MATR3: variants seen among roughly 807,000 people sequenced by gnomAD.
MATR3 encodes matrin-3.
In MATR3, 4 loss-of-function variants were observed where a neutral mutation model predicts 85.5. That is an observed-to-expected ratio of 0.05 (90% CI 0.02 to 0.11). The LOEUF (loss-of-function observed/expected upper bound fraction) is 0.11, where lower values mean the gene tolerates loss of function less well. MATR3 is among the 10% of genes least tolerant of loss of function. MATR3 has a pLI of 1.00. For synonymous variants in MATR3, 336 were observed against 343.1 expected, an observed-to-expected ratio of 0.98 and a Z score of 0.23; for missense variants, 685 against 1,016.1, an observed-to-expected ratio of 0.67 and a Z score of 4.43.
At chr5:139,286,324 G>A (rs1456726250) in intron 3 of MATR3, among the ~76,000 whole-genome samples, 3 of 151,808 alleles carry the variant, frequency 2.0e-5, no homozygotes, top group Non-Finnish European at 4.4e-5. Flanking sequence ...AAGATCATAG[G>A]CAATCTTCTT....
At chr5:139,283,223 G>A (rs1319740398) in intron 3 of MATR3, 1 of 152,218 alleles carries the variant, frequency 6.6e-6, no homozygotes, top group Non-Finnish European at 1.5e-5. Context: ...TGAAGGAGAG[G>A]GAAGATGCCC....
chr5:139,322,775 T>G lies in MATR3; in HGVS notation c.1956T>G (p.Leu652=). 1 of 1,614,182 alleles carries G rather than the reference T, an allele frequency of 6.2e-7. No homozygotes were observed. Among genetic ancestry groups the G allele is most frequent in the South Asian group, 1.1e-5 (1 of 91,086 alleles). ...DQTEQEPNML[L]ESEDELLVDE... ...CAGAGCAGGAACCTAATATGCTTCT[T>G]GAATCTGAAGATGAGCTACTTGTAG... The change falls in exon 12 of 15, where the codon CTT becomes CTG. Residue 652 remains leucine (L), a synonymous_variant. Transcript: ENST00000394805.
chr5:139,312,968 A>G (rs1465919606), intron 2 of MATR3: 1 of 151,852 alleles, frequency 6.6e-6, no homozygotes, highest in African/African-American at 2.4e-5. Flanking sequence ...AGGATTTTAG[A>G]TAATTTTACT....
At chr5:139,299,064 A>T (rs1166303902) in intron 1 of MATR3, among the ~76,000 whole-genome samples, 1 of 152,228 alleles carries the variant, frequency 6.6e-6, no homozygotes, top group Admixed American at 6.5e-5. Context: ...AAACTTAAAC[A>T]CAAGGGGAGG....
chr5:139,322,831 G>T lies in MATR3; in HGVS notation c.2012G>T (p.Ser671Ile). The stretch of plus-strand genomic sequence containing the variant: ...GAAGAAGCAGCAGCACTGCTAGAAA[G>T]TGGCAGTTCAGTGGGAGACGAGACC... ...DEEEAAALLE[S>I]GSSVGDETDL... The change falls in exon 12 of 15, where the codon AGT becomes ATT. Residue 671 changes from serine to isoleucine, a missense_variant. Physicochemically the swap from Ser to Ile is moderately radical, Grantham distance 142. Transcript: ENST00000394805. 1 of 1,614,202 alleles carries T rather than the reference G, an allele frequency of 6.2e-7. No individual in the cohort carries two copies. Among genetic ancestry groups the T allele is most frequent in the Non-Finnish European group, 8.5e-7 (1 of 1,180,030 alleles).
intron 1 of MATR3, chr5:139,294,025 G>A: frequency 2.3e-6 from 3 of 1,279,934 alleles, no homozygotes; most frequent in Non-Finnish European, 3.0e-6. Flanking sequence ...CTAGGGCGGC[G>A]GAGGTGAGCG....
intron 3 of MATR3, 173 bp from the exon 4 acceptor site, chr5:139,315,523 GT>G: frequency 1.8e-6 from 1 of 545,826 alleles, no homozygotes; most frequent in South Asian, 2.7e-5. Context: ...TTATTTTGAA[GT>G]TCTGAAATTT....
upstream of MATR3, chr5:139,293,677 T>G: frequency 9.5e-5 from 24 of 251,638 alleles, no homozygotes; most frequent in Middle Eastern, 1.2e-3. Context: ...CGAGAGTGGG[T>G]TTGTTCTTGG....
At chr5:139,291,938 CTTTTTTTTTTTTTTT>C (rs10572568), upstream of MATR3, 2 of 79,796 alleles carry the variant, frequency 2.5e-5, no homozygotes, top group Admixed American at 3.5e-4. Flanking sequence ...ATTACATAAC[CTTTTTTTTTTTTTTT>C]TTTTTTTTTT....
Position 139,314,714 on chromosome 5 carries a change from C to T in MATR3, c.952C>T (p.Arg318Ter). 1 of 1,613,700 alleles carries T rather than the reference C, an allele frequency of 6.2e-7. No individual in the cohort carries two copies. ...QHINGASHSRRCQLLLEIYPE... is the reference protein window; with the variant it reads ...QHINGASHSR Reference sequence around the variant, plus strand: ...TATCAATGGAGCAAGTCACAGTCGTCGATGCCAGCTTCTTCTTGAAATGTA... The same window carrying T: ...TATCAATGGAGCAAGTCACAGTCGTTGATGCCAGCTTCTTCTTGAAATGTA... Residue 318 changes from arginine (R) to a stop codon, truncating the protein, a stop_gained, in exon 3 of 15, where the codon CGA becomes TGA. Coordinates refer to ENST00000394805, the MANE Select transcript of MATR3 (RefSeq NM_018834.6). LOFTEE classifies it high-confidence loss of function.
At chr5:139,303,069 G>C (rs1442503544) in intron 1 of MATR3, among the ~76,000 whole-genome samples, 1 of 144,868 alleles carries the variant, frequency 6.9e-6, no homozygotes, top group East Asian at 2.0e-4. Flanking sequence ...TTTTAATTCT[G>C]ACTACAAAGA....
At chr5:139,302,210 G>A (rs565730352) in intron 1 of MATR3, among the ~76,000 whole-genome samples, 20 of 152,060 alleles carry the variant, frequency 1.3e-4, no homozygotes, top group Non-Finnish European at 2.5e-4. Context: ...TAATCTGCCC[G>A]CCTCGGCCTC....
chr5:139,327,061 T>C (rs1400818792), intron 14 of MATR3, among the ~76,000 whole-genome samples: 1 of 152,190 alleles, frequency 6.6e-6, no homozygotes, highest in African/African-American at 2.4e-5. Context: ...ATAATTCCTA[T>C]TGAGATATAT....
Position 139,275,142 on chromosome 5 carries a change from ATTTTTTTT to A in MATR3, c.-286-958_-286-951del, listed in dbSNP as rs750841386. On this transcript the variant is annotated intron_variant, in intron 1 of 16. Coordinates refer to ENST00000509990, the Ensembl canonical transcript of MATR3. Reference sequence around the variant, plus strand: ...AGGTGCCCGCCACCACGCCCGGCTAATTTTTTTTTTTTTTTTTTTTTTTTTTTTGTATT... The same window carrying A: ...AGGTGCCCGCCACCACGCCCGGCTAATTTTTTTTTTTTTTTTTTTTGTATT... 5.3e-3 allele frequency among the ~76,000 whole-genome samples: 216 copies of A among 40,920 alleles called. 2 individuals carry two copies. Among genetic ancestry groups the A allele is most frequent in the Middle Eastern group, 0.029 (1 of 34 alleles). 26.8% of individuals were successfully genotyped at this position (40,920 alleles called of 152,430 possible). A position where few individuals can be genotyped will look rare whatever the true frequency, so the allele number is the denominator to read the frequency against.
At chr5:139,279,225 G>C (rs1005752066) in intron 3 of MATR3, 2 of 448,264 alleles carry the variant, frequency 4.5e-6, no homozygotes, top group African/African-American at 2.0e-5. Flanking sequence ...ATTATGTAGA[G>C]TATCAGACTT....
At chr5:139,322,332 T>C in intron 10 of MATR3, 131 bp from the exon 11 acceptor site, 1 of 876,940 alleles carries the variant, frequency 1.1e-6, no homozygotes, top group Non-Finnish European at 1.9e-6. Flanking sequence ...GTAGGCAGCT[T>C]AGGTTCTCAA....
chr5:139,325,049 C>T (rs184557777), intron 12 of MATR3, among the ~76,000 whole-genome samples: 13 of 152,004 alleles, frequency 8.6e-5, no homozygotes, highest in Non-Finnish European at 1.3e-4. Context: ...AAAAATTAGC[C>T]GGGCGTGGTG....
At chr5:139,314,793 T>C (rs1755160982) in intron 3 of MATR3, 57 bp downstream of exon 3, 8 of 1,526,862 alleles carry the variant, frequency 5.2e-6, no homozygotes, top group South Asian at 2.2e-5. Flanking sequence ...TCAGCCATTA[T>C]TGGTTTTTGG....
In MATR3 at chr5:139,307,881, T is replaced by G. The variant is rs1194943542; in HGVS notation, c.466T>G (p.Leu156Val). 23 of 1,613,910 alleles carry G rather than the reference T, an allele frequency of 1.4e-5. No homozygotes were observed. The East Asian group carries it at 5.1e-4, about 36-fold the overall frequency. Residue 156 changes from leucine (L) to valine (V), a missense_variant, in exon 2 of 15, where the codon TTG (leucine) becomes GTG (valine). Physicochemically the swap from Leu to Val is conservative, Grantham distance 32. Around this residue, in one of 9 missense-constraint regions of MATR3, gnomAD observed 223 missense variants for 334.4 expected, o/e 0.67. Transcript: ENST00000394805. This position sits in a 1 kb window ranked among gnomAD's most constrained non-coding sequence, Gnocchi z 4.4. The part of the protein sequence containing the change: ...KRRRTEEGPT[L>V]SYGRDGRSAT... Reference sequence around the variant, plus strand: ...GAGGAGAACTGAAGAAGGCCCTACCTTGAGTTATGGTAGAGATGGCAGATC... The same window carrying G: ...GAGGAGAACTGAAGAAGGCCCTACCGTGAGTTATGGTAGAGATGGCAGATC...
Sources: gnomAD v4.1 joint callset for allele counts (sites outside exome capture counted in the v4.1 genomes callset) on GRCh38, gnomAD v4.1.1 for gene constraint, gnomAD v4.1.1 regional missense constraint, Gnocchi (gnomAD v3.1) non-coding constraint, MANE v1.5 for transcripts, NCBI Gene and HGNC (gene_info 2026-07-23, HGNC 2026-07-21) for gene names.